CNTNAP2: variants seen among roughly 807,000 people sequenced by gnomAD.
The protein encoded by CNTNAP2 is contactin associated protein 2, also known as contactin-associated protein-like 2.
Under a neutral mutation model 155.2 loss-of-function variants are expected in CNTNAP2, and 98 were observed. The observed-to-expected ratio is 0.63, with a 90% CI of 0.54 to 0.75. CNTNAP2 has a LOEUF of 0.75. Ranked by LOEUF, CNTNAP2 falls within the 30% of genes least tolerant of loss-of-function variation. The pLI, the probability that CNTNAP2 is intolerant of heterozygous loss-of-function variation, is 0.00. For missense variants in CNTNAP2, 1,727 were observed against 1,688.1 expected, an observed-to-expected ratio of 1.02 and a Z score of -0.40; for synonymous variants, 651 against 631.2, an observed-to-expected ratio of 1.03 and a Z score of -0.47.
intron 13 of CNTNAP2, among the ~76,000 whole-genome samples, chr7:147,868,353 G>C (rs1461976743): frequency 1.3e-5 from 2 of 152,164 alleles, no homozygotes; most frequent in African/African-American, 4.8e-5. Context: ...TCATCCCAGA[G>C]GGGTGCCTGC....
intron 8 of CNTNAP2, among the ~76,000 whole-genome samples, chr7:147,203,483 C>T (rs541605912): frequency 3.3e-5 from 5 of 152,226 alleles, no homozygotes; most frequent in South Asian, 2.1e-4. Context: ...CCGCCCGCCT[C>T]GGCCTTCCAA....
At chr7:147,662,090 A>AT (rs1451378698) in intron 13 of CNTNAP2, among the ~76,000 whole-genome samples, 6 of 152,202 alleles carry the variant, frequency 3.9e-5, no homozygotes, top group Non-Finnish European at 7.3e-5. Context: ...TTCTTAGAAC[A>AT]TTTAATACCA....
At chr7:147,648,038 G>A (rs1795395141) in intron 13 of CNTNAP2, among the ~76,000 whole-genome samples, 1 of 152,128 alleles carries the variant, frequency 6.6e-6, no homozygotes, top group African/African-American at 2.4e-5. Context: ...AAAGAGCAGG[G>A]GTAAGTTTTC....
At chr7:148,115,026 C>A (rs1804436302) in intron 15 of CNTNAP2, among the ~76,000 whole-genome samples, 1 of 152,126 alleles carries the variant, frequency 6.6e-6, no homozygotes, top group South Asian at 2.1e-4. Flanking sequence ...TTGACAACTC[C>A]AAGGGCATCA....
At chr7:148,348,205 G>C (rs1798360906) in intron 21 of CNTNAP2, among the ~76,000 whole-genome samples, 1 of 152,134 alleles carries the variant, frequency 6.6e-6, no homozygotes, top group African/African-American at 2.4e-5. Flanking sequence ...GGTCTGAGTG[G>C]GCCCCATCAG....
intron 3 of CNTNAP2, among the ~76,000 whole-genome samples, chr7:146,951,245 G>T (rs969669957): frequency 6.6e-6 from 1 of 152,100 alleles, no homozygotes; most frequent in Non-Finnish European, 1.5e-5. Flanking sequence ...TCTACAGGTT[G>T]CCTGTTCACT....
intron 1 of CNTNAP2, among the ~76,000 whole-genome samples, chr7:146,762,587 A>G (rs1011213911): frequency 6.6e-6 from 1 of 152,174 alleles, no homozygotes; most frequent in African/African-American, 2.4e-5. Flanking sequence ...TGACAGAACA[A>G]GACTCCATCT....
intron 13 of CNTNAP2, among the ~76,000 whole-genome samples, chr7:147,724,187 A>G (rs1418024462): frequency 6.6e-6 from 1 of 152,000 alleles, no homozygotes; most frequent in East Asian, 1.9e-4. Flanking sequence ...CCTACCAAAC[A>G]TGTAATAAAC....
intron 1 of CNTNAP2, among the ~76,000 whole-genome samples, chr7:146,761,088 A>T (rs1430566151): frequency 6.6e-6 from 1 of 152,148 alleles, no homozygotes; most frequent in East Asian, 1.9e-4. Context: ...TGTTCTGTAG[A>T]TTCAATGATC....
At chr7:147,411,505 T>C (rs1314086646) in intron 10 of CNTNAP2, among the ~76,000 whole-genome samples, 1 of 152,190 alleles carries the variant, frequency 6.6e-6, no homozygotes, top group East Asian at 1.9e-4. Flanking sequence ...AAATAGACAA[T>C]TCAGGCTTTG....
rs895090123 is a variant in CNTNAP2, at chr7:148,318,515, G to A, written c.3475+51389G>A. 5.9e-5 allele frequency among the ~76,000 whole-genome samples: 9 copies of A among 152,246 alleles called. No individual in the cohort carries two copies. In the Middle Eastern group the frequency reaches 0.014, roughly 230 times the overall value. On this transcript the variant is annotated intron_variant, in intron 21 of 23. Transcript: ENST00000361727. ...GTATGAGTCAGATTGATTGTTCAGT[G>A]AATCCCAAAGGGCCAAAAACTTCCT...
chr7:147,834,759 C>G lies in CNTNAP2; in HGVS notation c.2099-68806C>G, dbSNP rs184227682. ...GACTAATTTTTGTCATAAATAAATA[C>G]AGTGGACGTCATTTATGTCCATTTT... On this transcript the variant is annotated intron_variant, in intron 13 of 23. Transcript: ENST00000361727. Among the ~76,000 whole-genome samples the G allele has an allele frequency of 3.6e-4, 55 of 152,274 alleles. No individual in the cohort carries two copies. In the East Asian group the frequency reaches 9.1e-3, roughly 25 times the overall value.
chr7:148,362,010 C>T (rs1167658864), intron 21 of CNTNAP2, among the ~76,000 whole-genome samples: 1 of 152,116 alleles, frequency 6.6e-6, no homozygotes, highest in African/African-American at 2.4e-5. Context: ...GGGTTCGAGA[C>T]CAGCCTAGCC....
At position 148,201,566 on chromosome 7, in the gene CNTNAP2, T is replaced by A. The variant is rs1158328624; in HGVS notation, c.3011-15722T>A. Among the ~76,000 whole-genome samples the A allele has an allele frequency of 3.3e-5, 5 of 152,216 alleles. 1 individual carries two copies. Among genetic ancestry groups the A allele is most frequent in the Non-Finnish European group, 5.9e-5 (4 of 68,036 alleles). On this transcript the variant is annotated intron_variant, in intron 18 of 23. Transcript: ENST00000361727. The stretch of plus-strand genomic sequence containing the variant: ...GTTTGTCTTCAAAAGTTTCCCTTTT[T>A]TATAGACATGGGAAGACTCAAATAG...
chr7:148,301,552 A>T (rs1352345016), intron 21 of CNTNAP2, among the ~76,000 whole-genome samples: 1 of 152,136 alleles, frequency 6.6e-6, no homozygotes, highest in Non-Finnish European at 1.5e-5. Context: ...TGCAGTAATA[A>T]AATGTAAAAT....
intron 21 of CNTNAP2, among the ~76,000 whole-genome samples, chr7:148,270,434 A>T (rs1031673265): frequency 2.0e-5 from 3 of 152,226 alleles, no homozygotes; most frequent in Non-Finnish European, 4.4e-5. Flanking sequence ...GAGAGTAGTT[A>T]GGGCTCCAGC....
chr7:146,889,985 G>A (rs141517341), intron 3 of CNTNAP2, among the ~76,000 whole-genome samples: 34 of 152,176 alleles, frequency 2.2e-4, no homozygotes, highest in Admixed American at 1.4e-3. Flanking sequence ...CTAGCCAAGC[G>A]TCTATCACTT....
chr7:147,723,379 A>G (rs1796594495), intron 13 of CNTNAP2, among the ~76,000 whole-genome samples: 1 of 152,046 alleles, frequency 6.6e-6, no homozygotes, highest in Non-Finnish European at 1.5e-5. Flanking sequence ...ACAGAACTAA[A>G]GAAATTCAGA....
intron 1 of CNTNAP2, among the ~76,000 whole-genome samples, chr7:146,672,404 C>A (rs956555822): frequency 6.6e-6 from 1 of 152,146 alleles, no homozygotes; most frequent in South Asian, 2.1e-4. Flanking sequence ...AGGGTGAGAA[C>A]GGGAGCTTTA....
Sources: allele counts gnomAD v4.1 joint callset (sites outside exome capture counted in the v4.1 genomes callset), GRCh38; gene constraint gnomAD v4.1.1; transcripts MANE v1.5; gene names NCBI Gene and HGNC (gene_info 2026-07-23, HGNC 2026-07-21).